The following SNX4 variants were observed in gnomAD, a reference collection of about 807,000 sequenced individuals.
The protein encoded by SNX4 is sorting nexin 4, also known as sorting nexin-4.
Under a neutral mutation model 70.8 loss-of-function variants are expected in SNX4, and 49 were observed. The ratio of observed to expected loss-of-function variants is 0.69; its 90% CI spans 0.55 to 0.88. The LOEUF (loss-of-function observed/expected upper bound fraction) is 0.88, where lower values mean the gene tolerates loss of function less well. Ranked by LOEUF, SNX4 falls within the 40% of genes least tolerant of loss-of-function variation. SNX4 has a pLI of 0.00. For synonymous variants in SNX4, 206 were observed against 183.8 expected, an observed-to-expected ratio of 1.12 and a Z score of -0.98; for missense variants, 528 against 544.8, an observed-to-expected ratio of 0.97 and a Z score of 0.31.
At chr3:125,518,806 C>A (rs1257897538) in intron 1 of SNX4, among the ~76,000 whole-genome samples, 1 of 151,708 alleles carries the variant, frequency 6.6e-6, no homozygotes, top group Non-Finnish European at 1.5e-5. Context: ...AGTTCGAGAC[C>A]AGCCTGACCA....
At chr3:125,486,511 A>AGCT (rs771287982) in intron 6 of SNX4, among the ~76,000 whole-genome samples, 1 of 152,170 alleles carries the variant, frequency 6.6e-6, no homozygotes, top group Non-Finnish European at 1.5e-5. Context: ...CTATAGTCCC[A>AGCT]GCTACTCAGG....
At chr3:125,458,138 T>C (rs1206255104) in intron 10 of SNX4, among the ~76,000 whole-genome samples, 1 of 151,944 alleles carries the variant, frequency 6.6e-6, no homozygotes, top group Non-Finnish European at 1.5e-5. Flanking sequence ...CTCAAAGTTT[T>C]CTTCTTTGTG....
intron 1 of SNX4, among the ~76,000 whole-genome samples, chr3:125,507,834 A>T (rs1935082541): frequency 6.6e-6 from 1 of 152,146 alleles, no homozygotes; most frequent in South Asian, 2.1e-4. Context: ...AATCGCCTGA[A>T]CCCAAGAGGC....
intron 9 of SNX4, among the ~76,000 whole-genome samples, chr3:125,467,572 A>ATT (rs147593637): frequency 8.9e-4 from 136 of 152,110 alleles, no homozygotes; most frequent in African/African-American, 3.0e-3. Flanking sequence ...GGTTATTATT[A>ATT]TTATTTTTTT....
chr3:125,503,198 C>G (rs558340709), intron 2 of SNX4, among the ~76,000 whole-genome samples: 1 of 152,164 alleles, frequency 6.6e-6, no homozygotes, highest in African/African-American at 2.4e-5. Context: ...TGAGCCACCA[C>G]GCCCAGCTAG....
chr3:125,458,814 C>CAAAAAAAAAAAAAAAAAAAAA (rs71148180), intron 10 of SNX4, among the ~76,000 whole-genome samples: 16 of 64,532 alleles, frequency 2.5e-4, no homozygotes, highest in African/African-American at 5.7e-4. Flanking sequence ...GACTCCGTCT[C>CAAAAAAAAAAAAAAAAAAAAA]AAAAAAAAAA....
Position 125,520,188 on chromosome 3 carries a change from C to T in SNX4, c.-16G>A, listed in dbSNP as rs1459603201. 2.5e-6 allele frequency: 3 copies of T among 1,223,004 alleles called. No individual in the cohort carries two copies. In the African/African-American group the frequency reaches 5.0e-5, roughly 20 times the overall value. 75.8% of individuals were successfully genotyped at this position (1,223,004 alleles called of 1,614,324 possible). On this transcript the variant is annotated 5_prime_UTR_variant, in exon 1 of 14. Transcript: ENST00000251775. ...CCTGCTCCATGGCTGCAGTTCGGCGCGGCGAACCCAGTGCGCCTGCGCCGC... is the reference window on the plus strand; with the variant it reads ...CCTGCTCCATGGCTGCAGTTCGGCGTGGCGAACCCAGTGCGCCTGCGCCGC...
At chr3:125,448,167 C>G (rs1219777222) in intron 13 of SNX4, among the ~76,000 whole-genome samples, 1 of 151,130 alleles carries the variant, frequency 6.6e-6, no homozygotes, top group Non-Finnish European at 1.5e-5. Flanking sequence ...GGGTCTCACT[C>G]TGTTACCCAG....
intron 6 of SNX4, among the ~76,000 whole-genome samples, chr3:125,486,065 T>C (rs1056992097): frequency 6.6e-6 from 1 of 152,134 alleles, no homozygotes; most frequent in Non-Finnish European, 1.5e-5. Flanking sequence ...GGTCTCGAGC[T>C]CCTGACCTCG....
At chr3:125,497,484 G>A in intron 4 of SNX4, 96 bp from the exon 5 acceptor site, 1 of 829,118 alleles carries the variant, frequency 1.2e-6, no homozygotes, top group Non-Finnish European at 2.0e-6. Context: ...TACTTCAGCA[G>A]GAATTGGAGA....
intron 11 of SNX4, among the ~76,000 whole-genome samples, chr3:125,456,058 T>C (rs753969670): frequency 2.6e-5 from 4 of 152,142 alleles, no homozygotes. Context: ...AGTAGAGACA[T>C]TGCTGCTGGT....
intron 9 of SNX4, among the ~76,000 whole-genome samples, chr3:125,468,373 T>C (rs1934083052): frequency 6.6e-6 from 1 of 152,150 alleles, no homozygotes; most frequent in Non-Finnish European, 1.5e-5. Flanking sequence ...ATGTAACCCC[T>C]GAACCTATAA....
chr3:125,495,810 T>C (rs1934781547), intron 5 of SNX4, among the ~76,000 whole-genome samples: 1 of 152,234 alleles, frequency 6.6e-6, no homozygotes. Flanking sequence ...CTAAAATGAT[T>C]GTATTTTAAT....
At chr3:125,451,663 G>A (rs111776980) in intron 12 of SNX4, among the ~76,000 whole-genome samples, 1 of 151,874 alleles carries the variant, frequency 6.6e-6, no homozygotes, top group Middle Eastern at 3.4e-3. Flanking sequence ...GTCTCACTCT[G>A]TTGCCCAGGC....
chr3:125,509,953 A>G (rs1935135617), intron 1 of SNX4, among the ~76,000 whole-genome samples: 1 of 152,142 alleles, frequency 6.6e-6, no homozygotes, highest in South Asian at 2.1e-4. Context: ...CAAACAATAG[A>G]AAATCAGTGT....
intron 1 of SNX4, among the ~76,000 whole-genome samples, chr3:125,511,768 T>C (rs1388545063): frequency 6.6e-6 from 1 of 152,078 alleles, no homozygotes; most frequent in East Asian, 1.9e-4. Flanking sequence ...ATAATTGGAG[T>C]GTTTTATGAA....
intron 10 of SNX4, among the ~76,000 whole-genome samples, chr3:125,459,180 A>T (rs1933811050): frequency 6.6e-6 from 1 of 152,182 alleles, no homozygotes. Flanking sequence ...ACTCAAAAAA[A>T]TAAAAAAAAC....
chr3:125,498,301 A>G, intron 2 of SNX4, 107 bp from the exon 3 acceptor site: 1 of 1,061,240 alleles, frequency 9.4e-7, no homozygotes, highest in Non-Finnish European at 1.3e-6. Flanking sequence ...TGAACCAGGC[A>G]CTAAGTAAAG....
chr3:125,511,851 C>A (rs1935180604), intron 1 of SNX4, among the ~76,000 whole-genome samples: 1 of 152,014 alleles, frequency 6.6e-6, no homozygotes, highest in Non-Finnish European at 1.5e-5. Context: ...TTAAACCTAG[C>A]CACTATAAGG....
Sources: allele counts gnomAD v4.1 joint callset (sites outside exome capture counted in the v4.1 genomes callset), GRCh38; gene constraint gnomAD v4.1.1; transcripts MANE v1.5; gene names NCBI Gene and HGNC (gene_info 2026-07-23, HGNC 2026-07-21).